GULP1: variants seen among roughly 807,000 people sequenced by gnomAD.
GULP1 encodes the protein GULP PTB domain containing engulfment adaptor 1, also known as PTB domain-containing engulfment adapter protein 1.
In GULP1, 19 loss-of-function variants were observed where a neutral mutation model predicts 40.9. That is an observed-to-expected ratio of 0.46 (90% CI 0.32 to 0.68). The LOEUF (loss-of-function observed/expected upper bound fraction) is 0.68. Among genes scored for constraint, GULP1 ranks in the 30% least tolerant of loss-of-function variants. GULP1 has a pLI of 0.03. For synonymous variants in GULP1, 119 were observed against 117.6 expected (o/e 1.01, Z -0.08); for missense variants, 312 against 362.2 (o/e 0.86, Z 1.12).
chr2:188,331,699 A>G (rs74891234), intron 1 of GULP1, among the ~76,000 whole-genome samples: 2,882 of 152,300 alleles, frequency 0.019, 90 homozygotes, highest in African/African-American at 0.066. Context: ...TGTATTTAAA[A>G]AATCCATTTA....
At chr2:188,550,685 T>C (rs2153371969) in intron 7 of GULP1, among the ~76,000 whole-genome samples, 1 of 151,764 alleles carries the variant, frequency 6.6e-6, no homozygotes, top group South Asian at 2.1e-4. Flanking sequence ...CATCCAGTCG[T>C]TTTACAAGGT....
intron 1 of GULP1, among the ~76,000 whole-genome samples, chr2:188,328,978 T>C (rs1292529183): frequency 3.3e-5 from 5 of 152,146 alleles, no homozygotes; most frequent in Non-Finnish European, 5.9e-5. Context: ...AACTCATAAA[T>C]CACTTGCAAT....
chr2:188,564,325 A>G (rs1251254670), intron 7 of GULP1, among the ~76,000 whole-genome samples: 1 of 151,864 alleles, frequency 6.6e-6, no homozygotes, highest in African/African-American at 2.4e-5. Flanking sequence ...TTTTTCACAT[A>G]TATAATATCA....
intron 2 of GULP1, among the ~76,000 whole-genome samples, chr2:188,468,207 A>C (rs1298925996): frequency 6.6e-6 from 1 of 152,096 alleles, no homozygotes; most frequent in Non-Finnish European, 1.5e-5. Context: ...GCTTGTTTAC[A>C]GTGTTTTCTT....
At chr2:188,484,006 C>T (rs913427524) in intron 4 of GULP1, among the ~76,000 whole-genome samples, 1 of 152,062 alleles carries the variant, frequency 6.6e-6, no homozygotes, top group Non-Finnish European at 1.5e-5. Flanking sequence ...TCTCTGCAAC[C>T]TCCATCTCCT....
chr2:188,412,390 T>C (rs928498299), intron 2 of GULP1, among the ~76,000 whole-genome samples: 4 of 152,310 alleles, frequency 2.6e-5, no homozygotes, highest in Admixed American at 6.5e-5. Flanking sequence ...TCACATCCGC[T>C]TCAGTGACCC....
intron 1 of GULP1, among the ~76,000 whole-genome samples, chr2:188,351,430 G>A (rs1403564196): frequency 2.0e-5 from 3 of 152,068 alleles, no homozygotes; most frequent in Non-Finnish European, 4.4e-5. Flanking sequence ...CATTTCAGGA[G>A]TAACTATGAG....
intron 2 of GULP1, among the ~76,000 whole-genome samples, chr2:188,417,641 C>G (rs962847886): frequency 6.6e-6 from 1 of 152,112 alleles, no homozygotes; most frequent in African/African-American, 2.4e-5. Flanking sequence ...AAATTTGGCT[C>G]AATGGAATTT....
At chr2:188,443,205 C>T (rs1230752694) in intron 2 of GULP1, among the ~76,000 whole-genome samples, 2 of 144,840 alleles carry the variant, frequency 1.4e-5, no homozygotes, top group East Asian at 2.2e-4. Context: ...TGGGGGTTGG[C>T]GGGGGGTTCA....
At chr2:188,490,125 G>A (rs1359909855) in intron 4 of GULP1, among the ~76,000 whole-genome samples, 1 of 151,960 alleles carries the variant, frequency 6.6e-6, no homozygotes, top group African/African-American at 2.4e-5. Flanking sequence ...TTTTAAAAAA[G>A]GCAGTATATG....
intron 2 of GULP1, among the ~76,000 whole-genome samples, chr2:188,446,728 T>G (rs2058419093): frequency 6.6e-6 from 1 of 152,222 alleles, no homozygotes. Flanking sequence ...AATATTAATT[T>G]ATATACAAAG....
intron 4 of GULP1, among the ~76,000 whole-genome samples, chr2:188,509,312 T>A (rs1434708837): frequency 6.6e-6 from 1 of 152,110 alleles, no homozygotes; most frequent in African/African-American, 2.4e-5. Flanking sequence ...TTCCTTGTGT[T>A]GAATCTTTAA....
chr2:188,500,000 A>G (rs115634288), intron 4 of GULP1, among the ~76,000 whole-genome samples: 3,685 of 151,916 alleles, frequency 0.024, 95 homozygotes, highest in African/African-American at 0.051. Flanking sequence ...GCACTATCCT[A>G]ATACAGACAA....
At chr2:188,495,405 G>A (rs917554027) in intron 4 of GULP1, among the ~76,000 whole-genome samples, 3 of 152,076 alleles carry the variant, frequency 2.0e-5, no homozygotes, top group Non-Finnish European at 4.4e-5. Flanking sequence ...GCCAGAAAGT[G>A]AAGTCCTCCA....
At chr2:188,431,364 A>T (rs545192569) in intron 2 of GULP1, among the ~76,000 whole-genome samples, 1 of 152,322 alleles carries the variant, frequency 6.6e-6, no homozygotes, top group Non-Finnish European at 1.5e-5. Flanking sequence ...AGAAAAAAAA[A>T]TGTTGAAGAA....
intron 7 of GULP1, among the ~76,000 whole-genome samples, chr2:188,547,978 T>G (rs1344801920): frequency 6.6e-6 from 1 of 152,034 alleles, no homozygotes; most frequent in East Asian, 1.9e-4. Context: ...TGGAAAGAAC[T>G]TCCTCAATTT....
intron 1 of GULP1, among the ~76,000 whole-genome samples, chr2:188,376,762 A>G (rs1490148762): frequency 6.6e-6 from 1 of 152,242 alleles, no homozygotes; most frequent in African/African-American, 2.4e-5. Flanking sequence ...GTCATATGCT[A>G]TTGGTGGAAG....
chr2:188,376,832 G>A (rs987090869), intron 1 of GULP1, among the ~76,000 whole-genome samples: 3 of 152,090 alleles, frequency 2.0e-5, no homozygotes, highest in African/African-American at 7.2e-5. Flanking sequence ...ATACTAAAAA[G>A]ATCAAATACT....
intron 5 of GULP1, among the ~76,000 whole-genome samples, chr2:188,526,679 G>T (rs1297289415): frequency 6.6e-6 from 1 of 152,138 alleles, no homozygotes; most frequent in Admixed American, 6.6e-5. Context: ...CATGAGAGTT[G>T]TGTAACATAT....
Sources: gnomAD v4.1 joint callset for allele counts (sites outside exome capture counted in the v4.1 genomes callset) on GRCh38, gnomAD v4.1.1 for gene constraint, MANE v1.5 for transcripts, NCBI Gene and HGNC (gene_info 2026-07-23, HGNC 2026-07-21) for gene names.